The following DLGAP1 variants were observed in gnomAD, a reference collection of about 807,000 sequenced individuals.
DLGAP1 encodes the protein DLG associated protein 1.
A neutral mutation model predicts 90.8 loss-of-function variants in DLGAP1; 11 were observed. That is an observed-to-expected ratio of 0.12 (90% CI 0.08 to 0.20). The LOEUF is 0.20. DLGAP1 is among the 10% of genes least tolerant of loss of function. The probability of loss-of-function intolerance (pLI) is 1.00; values close to 1 mark genes in which losing one functional copy is unlikely to be tolerated. For missense variants in DLGAP1, 1,050 were observed against 1,333.8 expected (o/e 0.79, Z 3.31); for synonymous variants, 558 against 540.7 (o/e 1.03, Z -0.44).
Position 3,708,776 on chromosome 18 carries a change from C to T in DLGAP1, c.1591+20359G>A, listed in dbSNP as rs372751219. ...TCTTGGAGAAAATAAATTGTAAGAGCGTACTTGACAGTACGCGTAAAGAGA... is the reference window on the plus strand; with the variant it reads ...TCTTGGAGAAAATAAATTGTAAGAGTGTACTTGACAGTACGCGTAAAGAGA... On this transcript the variant is annotated intron_variant, in intron 7 of 12. Transcript: ENST00000315677. Among the ~76,000 whole-genome samples the T allele has an allele frequency of 1.6e-4, 25 of 152,284 alleles. 1 individual carries two copies. The highest frequency in any genetic ancestry group is 6.2e-4 in the South Asian group (3 of 4,824).
intron 1 of DLGAP1, among the ~76,000 whole-genome samples, chr18:4,182,374 C>T (rs545919436): frequency 1.3e-5 from 2 of 152,154 alleles, no homozygotes; most frequent in African/African-American, 2.4e-5. Context: ...TTCACCCTTA[C>T]GGGCCGGAAG....
rs530130660 is a variant in DLGAP1, at chr18:4,303,577, A to AT, written c.-267+151428dup. ...AATTTTGATTGTATTGACAATTCAA[A>AT]TTTTTTTCTCCAAACTGGCCAATGT... On this transcript the variant is annotated intron_variant, in intron 1 of 12. Transcript: ENST00000315677. Among the ~76,000 whole-genome samples, 896 of 152,228 alleles carry AT rather than the reference A, an allele frequency of 5.9e-3. 9 individuals are homozygous for AT. Among genetic ancestry groups the AT allele is most frequent in the African/African-American group, 0.02 (822 of 41,526 alleles).
chr18:4,149,750 C>T lies in DLGAP1; in HGVS notation c.-159+1430G>A, dbSNP rs7243503. Among the ~76,000 whole-genome samples the T allele has an allele frequency of 5.5e-3, 831 of 152,336 alleles. 10 individuals carry two copies. The highest frequency in any genetic ancestry group is 0.019 in the African/African-American group (780 of 41,574). On this transcript the variant is annotated intron_variant, in intron 2 of 12. Coordinates refer to ENST00000315677, the MANE Select transcript of DLGAP1 (RefSeq NM_004746.4). ...TGTGCTCCTTATGAGAATCTCATTCCTGATGATTTGAGGTGGAACAGTTTT... is the reference window on the plus strand; with the variant it reads ...TGTGCTCCTTATGAGAATCTCATTCTTGATGATTTGAGGTGGAACAGTTTT...
rs575660823 is a variant in DLGAP1 at position 4,153,517 on chromosome 18, C to A, written c.-266-2230G>T. 2.0e-4 allele frequency among the ~76,000 whole-genome samples: 30 copies of A among 152,272 alleles called. No homozygotes were observed. In the South Asian group the frequency reaches 4.1e-3, roughly 21 times the overall value. On this transcript the variant is annotated intron_variant, in intron 1 of 12. Transcript: ENST00000315677. Reference sequence around the variant, plus strand: ...TTACCCCAAGTGTCCCTCTTTTTAACTTTTTTCTTCCTGTTCTTTTTTTTA... The same window carrying A: ...TTACCCCAAGTGTCCCTCTTTTTAAATTTTTTCTTCCTGTTCTTTTTTTTA...
At chr18:4,106,728 A>G (rs2075875281) in intron 2 of DLGAP1, among the ~76,000 whole-genome samples, 1 of 152,148 alleles carries the variant, frequency 6.6e-6, no homozygotes. Context: ...TGTACGTAGA[A>G]GAATAGCATT....
At chr18:4,174,641 CTTTAT>C (rs2077077013) in intron 1 of DLGAP1, among the ~76,000 whole-genome samples, 3 of 152,076 alleles carry the variant, frequency 2.0e-5, no homozygotes, top group Non-Finnish European at 2.9e-5. Flanking sequence ...CCTTATTTTA[CTTTAT>C]TTTATTTTAC....
chr18:3,983,477 T>C (rs2073779341), intron 3 of DLGAP1: 2 of 152,192 alleles, frequency 1.3e-5, no homozygotes, highest in Non-Finnish European at 2.9e-5. Context: ...ACACTAGTTG[T>C]TGGGGGTGCC....
intron 2 of DLGAP1, among the ~76,000 whole-genome samples, chr18:4,054,792 T>C (rs2075188461): frequency 6.6e-6 from 1 of 152,218 alleles, no homozygotes; most frequent in African/African-American, 2.4e-5. Context: ...ATTCTTTCTT[T>C]AATTACATAT....
At chr18:3,772,330 CCTTCT>C (rs1568107891) in intron 5 of DLGAP1, among the ~76,000 whole-genome samples, 1 of 58,234 alleles carries the variant, frequency 1.7e-5, no homozygotes, top group African/African-American at 4.5e-5. Context: ...TCCTTTCTCT[CCTTCT>C]CTCTCTCTCT....
chr18:4,341,722 T>A lies in DLGAP1; in HGVS notation c.-267+113284A>T, dbSNP rs1018631149. The stretch of plus-strand genomic sequence containing the variant: ...TAGGAATAATAGTCTAGAATTTTTT[T>A]AAAATAGTATTTGGTATACTGGATA... On this transcript the variant is annotated intron_variant, in intron 1 of 12. Transcript: ENST00000315677. Among the ~76,000 whole-genome samples, 52 of 152,324 alleles carry A rather than the reference T, an allele frequency of 3.4e-4. 1 individual carries two copies. Among genetic ancestry groups the A allele is most frequent in the African/African-American group, 7.9e-4 (33 of 41,590 alleles).
Position 3,799,160 on chromosome 18 carries a change from G to A in DLGAP1, c.1172+14899C>T, listed in dbSNP as rs3786438. On this transcript the variant is annotated intron_variant, in intron 5 of 12. Coordinates refer to ENST00000315677, the MANE Select transcript of DLGAP1 (RefSeq NM_004746.4). ...AAAGAGATTACAGGCGTGAGCCACT[G>A]TGTCCGGCAATAGACCCATTTTAAA... Among the ~76,000 whole-genome samples, 356 of 152,292 alleles carry A rather than the reference G, an allele frequency of 2.3e-3. 6 individuals carry two copies. The East Asian group carries it at 0.048, about 21-fold the overall frequency.
At chr18:3,707,537 T>C (rs561832501) in intron 7 of DLGAP1, among the ~76,000 whole-genome samples, 8 of 151,680 alleles carry the variant, frequency 5.3e-5, no homozygotes, top group African/African-American at 1.7e-4. Flanking sequence ...GAGGCAGAGG[T>C]TGCAGTGAGC....
chr18:3,795,877 A>G (rs2065966223), intron 5 of DLGAP1, among the ~76,000 whole-genome samples: 3 of 152,152 alleles, frequency 2.0e-5, no homozygotes, highest in Admixed American at 6.5e-5. Flanking sequence ...CCCACAAAAA[A>G]ATTTGTTATC....
At chr18:4,264,767 T>C (rs1018391881) in intron 1 of DLGAP1, 1 of 152,200 alleles carries the variant, frequency 6.6e-6, no homozygotes, top group South Asian at 2.1e-4. Flanking sequence ...AACCGAGGTT[T>C]TTAATGTTCC....
intron 1 of DLGAP1, among the ~76,000 whole-genome samples, chr18:4,281,990 G>A (rs935102452): frequency 3.9e-5 from 6 of 152,128 alleles, no homozygotes; most frequent in Admixed American, 1.3e-4. Context: ...ATAACTTTAA[G>A]AAATATTTTA....
intron 9 of DLGAP1, among the ~76,000 whole-genome samples, chr18:3,561,989 G>C (rs921637340): frequency 1.3e-5 from 2 of 150,624 alleles, no homozygotes; most frequent in Admixed American, 1.3e-4. Context: ...AGCACTTTGG[G>C]AGGCCGAGGC....
chr18:3,706,527 G>T (rs1236984911), intron 7 of DLGAP1, among the ~76,000 whole-genome samples: 2 of 152,158 alleles, frequency 1.3e-5, no homozygotes, highest in African/African-American at 4.8e-5. Context: ...CAAGGAGCTG[G>T]AAAATAGGAT....
chr18:4,212,630 C>CAAAA lies in DLGAP1; in HGVS notation c.-266-61347_-266-61344dup, dbSNP rs3041113. 8.2e-5 allele frequency among the ~76,000 whole-genome samples: 10 copies of CAAAA among 121,892 alleles called. 1 individual carries two copies. The highest frequency in any genetic ancestry group is 2.3e-4 in the East Asian group (1 of 4,422). 80.0% of individuals were successfully genotyped at this position (121,892 alleles called of 152,430 possible). A position where few individuals can be genotyped will look rare whatever the true frequency, so the allele number is the denominator to read the frequency against. ...TGGGTGACAGAGGGAGACTCCATCT[C>CAAAA]AAAAAAAAAAAAAAAAGGATAATAA... is the stretch of plus-strand genomic sequence containing the variant. On this transcript the variant is annotated intron_variant, in intron 1 of 12. Coordinates refer to ENST00000315677, the MANE Select transcript of DLGAP1 (RefSeq NM_004746.4).
chr18:3,969,969 G>A (rs567527962), intron 3 of DLGAP1, among the ~76,000 whole-genome samples: 7 of 152,278 alleles, frequency 4.6e-5, no homozygotes, highest in African/African-American at 7.2e-5. Context: ...GAAAGCACAC[G>A]AACAGAAGTC....
Sources: gnomAD v4.1 joint callset for allele counts (sites outside exome capture counted in the v4.1 genomes callset) on GRCh38, gnomAD v4.1.1 for gene constraint, MANE v1.5 for transcripts, NCBI Gene and HGNC (gene_info 2026-07-23, HGNC 2026-07-21) for gene names.